Variants in NR3C2 observed in about 807,000 individuals in gnomAD.
The protein encoded by NR3C2 is mineralocorticoid receptor.
In NR3C2, 15 loss-of-function variants were observed where a neutral mutation model predicts 86.4. The ratio of observed to expected loss-of-function variants is 0.17; its 90% CI spans 0.12 to 0.27. The LOEUF (loss-of-function observed/expected upper bound fraction) is 0.27, where lower values mean the gene tolerates loss of function less well. NR3C2 is among the 10% of genes least tolerant of loss of function. NR3C2 has a pLI of 1.00. For synonymous variants in NR3C2, 458 were observed against 450.5 expected (o/e 1.02, Z -0.21); for missense variants, 960 against 1,195.6 (o/e 0.80, Z 2.91).
chr4:148,218,057 CT>C (rs1156418665), intron 3 of NR3C2, among the ~76,000 whole-genome samples: 1 of 152,188 alleles, frequency 6.6e-6, no homozygotes, highest in Non-Finnish European at 1.5e-5. Context: ...TAAAAGGTAA[CT>C]TCAGCAGAGT....
At chr4:148,222,032 G>A (rs1312954253) in intron 3 of NR3C2, among the ~76,000 whole-genome samples, 3 of 151,840 alleles carry the variant, frequency 2.0e-5, no homozygotes, top group Non-Finnish European at 2.9e-5. Context: ...AATATAATAT[G>A]TAAAGATCTT....
At chr4:148,378,425 ATGGGTT>A (rs1167323359) in intron 2 of NR3C2, among the ~76,000 whole-genome samples, 34 of 151,974 alleles carry the variant, frequency 2.2e-4, no homozygotes, top group African/African-American at 7.9e-4. Context: ...TGGTTTGGAT[ATGGGTT>A]CCCAGCCAAA....
At chr4:148,290,544 G>A (rs767044061) in intron 2 of NR3C2, among the ~76,000 whole-genome samples, 3 of 152,134 alleles carry the variant, frequency 2.0e-5, no homozygotes, top group African/African-American at 7.2e-5. Context: ...AGGTAAAACC[G>A]TTAATCACAT....
intron 2 of NR3C2, among the ~76,000 whole-genome samples, chr4:148,261,274 C>G: frequency 2.0e-5 from 1 of 50,298 alleles, no homozygotes; most frequent in Non-Finnish European, 5.4e-5. Flanking sequence ...CTATGGTGCA[C>G]TATGGTAAGC....
upstream of NR3C2, chr4:148,443,919 A>T (rs912152251): frequency 3.5e-6 from 3 of 866,710 alleles, no homozygotes; most frequent in Non-Finnish European, 4.2e-6. Flanking sequence ...CTCCCTGGAG[A>T]TAGGGGCGAC....
At position 148,199,886 on chromosome 4, in the gene NR3C2, T is replaced by TA. The variant is rs1458183532; in HGVS notation, c.1898-5025dup. ...TACATGTACCTCTGAACTTAAAAGT[T>TA]AAAAAAAGATATATCATGTGTTCTT... On this transcript the variant is annotated intron_variant, in intron 3 of 8. Transcript: ENST00000358102. Among the ~76,000 whole-genome samples, 3 of 152,226 alleles carry TA rather than the reference T, an allele frequency of 2.0e-5. 1 individual carries two copies. The highest frequency in any genetic ancestry group is 2.1e-4 in the South Asian group (1 of 4,826).
At chr4:148,197,484 T>G (rs1204599550) in intron 3 of NR3C2, among the ~76,000 whole-genome samples, 7 of 152,190 alleles carry the variant, frequency 4.6e-5, no homozygotes, top group Admixed American at 3.9e-4. Flanking sequence ...AAGATTCACT[T>G]CTGTGAATTT....
At chr4:148,280,709 T>C (rs1358548211) in intron 2 of NR3C2, among the ~76,000 whole-genome samples, 2 of 152,138 alleles carry the variant, frequency 1.3e-5, no homozygotes, top group Non-Finnish European at 2.9e-5. Context: ...CTCACTATGT[T>C]GTCCAGGCTG....
chr4:148,088,588 ATCAT>A (rs1730922307), intron 8 of NR3C2, among the ~76,000 whole-genome samples: 2 of 128,512 alleles, frequency 1.6e-5, no homozygotes, highest in Admixed American at 7.1e-5. Flanking sequence ...GCTGGAAACC[ATCAT>A]TCTCAGCAAA....
chr4:148,107,310 C>T (rs752334329), intron 8 of NR3C2, among the ~76,000 whole-genome samples: 1 of 152,202 alleles, frequency 6.6e-6, no homozygotes, highest in Non-Finnish European at 1.5e-5. Context: ...CATCTCACGC[C>T]AGTCAGAATG....
chr4:148,139,395 G>A (rs377410549), intron 6 of NR3C2, among the ~76,000 whole-genome samples: 3 of 151,454 alleles, frequency 2.0e-5, no homozygotes, highest in East Asian at 3.9e-4. Context: ...TATTTAGCAC[G>A]ACACCTTCCA....
intron 6 of NR3C2, 34 bp downstream of exon 6, chr4:148,152,435 T>C: frequency 6.2e-7 from 1 of 1,605,144 alleles, no homozygotes; most frequent in Non-Finnish European, 8.5e-7. Flanking sequence ...AACTCTGCAG[T>C]TTATTTTATG....
At chr4:148,423,563 GGGAAA>G (rs1749384382) in intron 2 of NR3C2, among the ~76,000 whole-genome samples, 1 of 152,076 alleles carries the variant, frequency 6.6e-6, no homozygotes, top group Admixed American at 6.5e-5. Flanking sequence ...AATTGGCGGG[GGGAAA>G]AAAGCTGTAT....
intron 4 of NR3C2, among the ~76,000 whole-genome samples, chr4:148,168,506 G>A (rs1734982131): frequency 6.6e-6 from 1 of 152,242 alleles, no homozygotes; most frequent in Admixed American, 6.5e-5. Context: ...TTCAAGTTCA[G>A]TGGCCTGTTA....
At chr4:148,387,540 C>G (rs1470605644) in intron 2 of NR3C2, among the ~76,000 whole-genome samples, 1 of 152,194 alleles carries the variant, frequency 6.6e-6, no homozygotes, top group Non-Finnish European at 1.5e-5. Flanking sequence ...CAATTGTATG[C>G]TTCAAATTGT....
At chr4:148,293,371 T>C (rs1460786770) in intron 2 of NR3C2, among the ~76,000 whole-genome samples, 1 of 152,196 alleles carries the variant, frequency 6.6e-6, no homozygotes, top group Non-Finnish European at 1.5e-5. Flanking sequence ...TTAAAGGGCA[T>C]TTAAACAGAT....
chr4:148,297,118 C>T (rs2149916101), intron 2 of NR3C2, among the ~76,000 whole-genome samples: 1 of 152,246 alleles, frequency 6.6e-6, no homozygotes, highest in East Asian at 1.9e-4. Flanking sequence ...GAAAGCCCTA[C>T]AGGACTGTGC....
chr4:148,298,997 A>T (rs923011618), intron 2 of NR3C2, among the ~76,000 whole-genome samples: 1 of 152,236 alleles, frequency 6.6e-6, no homozygotes, highest in African/African-American at 2.4e-5. Flanking sequence ...TTCGCACCTT[A>T]TGCAAGGGGG....
At chr4:148,091,232 C>G (rs1377678875) in intron 8 of NR3C2, among the ~76,000 whole-genome samples, 1 of 152,242 alleles carries the variant, frequency 6.6e-6, no homozygotes, top group Admixed American at 6.5e-5. Flanking sequence ...CAAGCGGGGG[C>G]CCCAGTCACT....
Sources: allele counts gnomAD v4.1 joint callset (sites outside exome capture counted in the v4.1 genomes callset), GRCh38; gene constraint gnomAD v4.1.1; transcripts MANE v1.5; gene names NCBI Gene and HGNC (gene_info 2026-07-23, HGNC 2026-07-21).